The following PPARGC1A variants were observed in gnomAD, a reference collection of about 807,000 sequenced individuals.
PPARGC1A encodes peroxisome proliferator-activated receptor gamma coactivator 1-alpha.
PPARGC1A carries 25 observed loss-of-function variants against 88.7 expected under a neutral mutation model. The ratio of observed to expected loss-of-function variants is 0.28; its 90% CI spans 0.21 to 0.39. The LOEUF (loss-of-function observed/expected upper bound fraction) is 0.39, where lower values mean the gene tolerates loss of function less well. PPARGC1A is among the 10% of genes least tolerant of loss of function. The probability of loss-of-function intolerance (pLI) is 1.00; values close to 1 mark genes in which losing one functional copy is unlikely to be tolerated. For missense variants in PPARGC1A, 880 were observed against 968.7 expected (o/e 0.91, Z 1.22); for synonymous variants, 363 against 355.6 (o/e 1.02, Z -0.24).
the PPARGC1A span, among the ~76,000 whole-genome samples, chr4:23,968,669 A>G: frequency 6.6e-6 from 1 of 152,080 alleles, no homozygotes; most frequent in Non-Finnish European, 1.5e-5. Context: ...AATCCCAGCA[A>G]TTTGGGAGGC....
chr4:23,913,255 TATATATATATATAGAGAGAG>T, the PPARGC1A span, among the ~76,000 whole-genome samples: 1 of 45,550 alleles, frequency 2.2e-5, no homozygotes, highest in African/African-American at 8.5e-5. Context: ...TATATATATA[TATATATATATATAGAGAGAG>T]AGAGAGAGAG....
At chr4:23,846,397 T>A (rs1318811911) in intron 2 of PPARGC1A, among the ~76,000 whole-genome samples, 1 of 152,240 alleles carries the variant, frequency 6.6e-6, no homozygotes, top group Non-Finnish European at 1.5e-5. Flanking sequence ...TCCTTAGTTT[T>A]TCTATTATAC....
At chr4:24,047,189 G>C in the PPARGC1A span, among the ~76,000 whole-genome samples, 5 of 151,966 alleles carry the variant, frequency 3.3e-5, no homozygotes, top group Non-Finnish European at 5.9e-5. Flanking sequence ...TCCCGTCAGA[G>C]TGATGCTCTC....
the PPARGC1A span, among the ~76,000 whole-genome samples, chr4:24,125,862 G>T: frequency 6.6e-6 from 1 of 152,186 alleles, no homozygotes; most frequent in Non-Finnish European, 1.5e-5. Flanking sequence ...CTCCCAAGAG[G>T]AGTCTCGCAG....
the PPARGC1A span, among the ~76,000 whole-genome samples, chr4:24,371,710 G>T: frequency 4.6e-4 from 70 of 151,882 alleles, 1 homozygote; most frequent in African/African-American, 1.7e-3. Flanking sequence ...AGAGGCCGAG[G>T]CGGGAGGATC....
At chr4:24,301,830 G>A in the PPARGC1A span, among the ~76,000 whole-genome samples, 2 of 152,042 alleles carry the variant, frequency 1.3e-5, no homozygotes. Flanking sequence ...CAAAGATCCT[G>A]TTTGGGGTCT....
the PPARGC1A span, among the ~76,000 whole-genome samples, chr4:24,156,955 A>T: frequency 1.3e-5 from 2 of 152,136 alleles, no homozygotes; most frequent in African/African-American, 4.8e-5. Flanking sequence ...TTACTAAGCT[A>T]ATCCACAGTT....
chr4:24,194,007 T>A, the PPARGC1A span, among the ~76,000 whole-genome samples: 1 of 151,788 alleles, frequency 6.6e-6, no homozygotes, highest in African/African-American at 2.4e-5. Context: ...CATGCACCTA[T>A]AATCCCAGCT....
At chr4:24,287,776 T>A in the PPARGC1A span, among the ~76,000 whole-genome samples, 1 of 152,220 alleles carries the variant, frequency 6.6e-6, no homozygotes, top group East Asian at 1.9e-4. Context: ...ATGGTCATAT[T>A]ATACCATTTC....
upstream of PPARGC1A, among the ~76,000 whole-genome samples, chr4:23,903,476 A>G (rs376171620): frequency 8.5e-5 from 13 of 152,332 alleles, no homozygotes; most frequent in African/African-American, 2.9e-4. Context: ...CTACTTTTAC[A>G]TAATGTTTGA....
At chr4:24,201,441 C>A in the PPARGC1A span, among the ~76,000 whole-genome samples, 1 of 152,190 alleles carries the variant, frequency 6.6e-6, no homozygotes, top group Non-Finnish European at 1.5e-5. Context: ...GCAGAGTCAG[C>A]CATTTTTAAA....
At chr4:24,037,658 T>C in the PPARGC1A span, among the ~76,000 whole-genome samples, 1 of 152,202 alleles carries the variant, frequency 6.6e-6, no homozygotes, top group Non-Finnish European at 1.5e-5. Context: ...AGATTTCCAA[T>C]AACATAAGAG....
chr4:23,986,193 T>C, the PPARGC1A span, among the ~76,000 whole-genome samples: 3 of 152,032 alleles, frequency 2.0e-5, no homozygotes, highest in African/African-American at 7.2e-5. Context: ...AAGTGTTCAC[T>C]GGGATACATC....
chr4:23,948,360 G>A, the PPARGC1A span, among the ~76,000 whole-genome samples: 1 of 152,104 alleles, frequency 6.6e-6, no homozygotes, highest in South Asian at 2.1e-4. Context: ...AGGGAGGCAG[G>A]AAGACAACAA....
At chr4:24,009,171 T>G in the PPARGC1A span, among the ~76,000 whole-genome samples, 1 of 130,072 alleles carries the variant, frequency 7.7e-6, no homozygotes, top group Admixed American at 7.8e-5. Context: ...GGCAAAACAT[T>G]CCTGATGATT....
chr4:24,305,870 G>C, the PPARGC1A span, among the ~76,000 whole-genome samples: 1 of 152,108 alleles, frequency 6.6e-6, no homozygotes, highest in Non-Finnish European at 1.5e-5. Context: ...GGGTCCTCGT[G>C]CCCTGGGTAG....
intron 2 of PPARGC1A, among the ~76,000 whole-genome samples, chr4:23,878,546 G>C (rs886079260): frequency 6.6e-6 from 1 of 152,038 alleles, no homozygotes; most frequent in Non-Finnish European, 1.5e-5. Flanking sequence ...TTTTTCCAGT[G>C]GTCAGCATAA....
At chr4:23,919,300 A>T in the PPARGC1A span, among the ~76,000 whole-genome samples, 2,362 of 152,114 alleles carry the variant, frequency 0.016, 53 homozygotes, top group African/African-American at 0.053. Context: ...TTAGAAAAAA[A>T]ATTAGTCTCA....
intron 2 of PPARGC1A, among the ~76,000 whole-genome samples, chr4:23,875,218 A>G (rs1714448358): frequency 6.6e-6 from 1 of 152,218 alleles, no homozygotes; most frequent in South Asian, 2.1e-4. Context: ...AAGAAACATC[A>G]GTCCAAAATA....
Sources: allele counts gnomAD v4.1 joint callset (sites outside exome capture counted in the v4.1 genomes callset), GRCh38; gene constraint gnomAD v4.1.1; transcripts MANE v1.5; gene names NCBI Gene and HGNC (gene_info 2026-07-23, HGNC 2026-07-21).